ARHGAP32: variants seen among roughly 807,000 people sequenced by gnomAD.
The protein encoded by ARHGAP32 is Rho GTPase activating protein 32, also known as rho GTPase-activating protein 32.
In ARHGAP32, 51 loss-of-function variants were observed where a neutral mutation model predicts 186.5. The observed-to-expected ratio is 0.27, with a 90% confidence interval of 0.22 to 0.35. The LOEUF is 0.35. Among genes scored for constraint, ARHGAP32 ranks in the 10% least tolerant of loss-of-function variants. The pLI, the probability that ARHGAP32 is intolerant of heterozygous loss-of-function variation, is 1.00. For synonymous variants in ARHGAP32, 950 were observed against 964.3 expected (o/e 0.99, Z 0.27); for missense variants, 2,186 against 2,623.5 (o/e 0.83, Z 3.64).
intron 5 of ARHGAP32, among the ~76,000 whole-genome samples, chr11:129,115,345 T>C (rs984243095): frequency 1.3e-5 from 2 of 151,960 alleles, no homozygotes; most frequent in Non-Finnish European, 2.9e-5. Context: ...AAGGCGAAAA[T>C]CAATAAAAGG....
intron 11 of ARHGAP32, among the ~76,000 whole-genome samples, chr11:129,024,752 ACCCATGGAGT>A (rs1408214676): frequency 6.6e-6 from 1 of 152,170 alleles, no homozygotes; most frequent in African/African-American, 2.4e-5. Flanking sequence ...ACTCTCCTTC[ACCCATGGAGT>A]CCCAAGGTAC....
intron 1 of ARHGAP32, among the ~76,000 whole-genome samples, chr11:129,269,323 TGAA>T (rs1418017947): frequency 2.6e-5 from 4 of 151,858 alleles, no homozygotes; most frequent in Admixed American, 6.6e-5. Context: ...TAAATGAATA[TGAA>T]GAAGACAAAA....
At chr11:129,205,157 T>A (rs1447538304) in intron 1 of ARHGAP32, among the ~76,000 whole-genome samples, 1 of 152,180 alleles carries the variant, frequency 6.6e-6, no homozygotes, top group Non-Finnish European at 1.5e-5. Context: ...TCTGTCTACT[T>A]CTTCTGATTT....
At chr11:129,048,799 A>T (rs1164232760) in intron 10 of ARHGAP32, among the ~76,000 whole-genome samples, 3 of 152,214 alleles carry the variant, frequency 2.0e-5, no homozygotes, top group Admixed American at 2.0e-4. Context: ...GGTTGCTTTA[A>T]AGTTTTAATT....
At chr11:128,987,067 T>C (rs1945894397) in intron 13 of ARHGAP32, among the ~76,000 whole-genome samples, 1 of 152,184 alleles carries the variant, frequency 6.6e-6, no homozygotes, top group Admixed American at 6.5e-5. Flanking sequence ...GAGCAGAAAT[T>C]CCTCAGATAC....
rs557421138 is a variant in ARHGAP32, at chr11:128,974,593, A to G, written c.2604T>C (p.Pro868=). ...QTPGSTASSE[P]VSPLQEKLSP... Reference sequence around the variant, plus strand: ...TCAGTTTCTCCTGAAGAGGAGAGACAGGTTCAGAGCTTGCTGTGCTTCCTG... The same window carrying G: ...TCAGTTTCTCCTGAAGAGGAGAGACGGGTTCAGAGCTTGCTGTGCTTCCTG... The change falls in exon 21 of 23, where the codon CCT becomes CCC. Residue 868 remains proline, a synonymous_variant. Coordinates refer to ENST00000682385, the MANE Select transcript of ARHGAP32 (RefSeq NM_001378024.1). 1.9e-6 allele frequency: 3 copies of G among 1,614,212 alleles called. No individual in the cohort carries two copies. The East Asian group carries it at 6.7e-5, about 36-fold the overall frequency.
intron 2 of ARHGAP32, among the ~76,000 whole-genome samples, chr11:129,133,391 G>C (rs1412483458): frequency 6.6e-6 from 1 of 152,064 alleles, no homozygotes; most frequent in African/African-American, 2.4e-5. Flanking sequence ...TTTATTGAAA[G>C]ATATATATTT....
intron 1 of ARHGAP32, among the ~76,000 whole-genome samples, chr11:129,259,186 G>A (rs1945291726): frequency 6.6e-6 from 1 of 152,106 alleles, no homozygotes; most frequent in South Asian, 2.1e-4. Flanking sequence ...TCATGTGTAA[G>A]ACAGGATATG....
intron 1 of ARHGAP32, among the ~76,000 whole-genome samples, chr11:129,167,251 C>T (rs1943658773): frequency 6.6e-6 from 1 of 152,096 alleles, no homozygotes; most frequent in Admixed American, 6.5e-5. Context: ...AGAAATCACA[C>T]CCCTCATTCA....
chr11:128,972,384 A>G, intron 22 of ARHGAP32, 69 bp downstream of exon 22: 1 of 1,464,054 alleles, frequency 6.8e-7, no homozygotes, highest in Non-Finnish European at 9.1e-7. Flanking sequence ...ATAACAACAC[A>G]CCCTGCTGAA....
intron 11 of ARHGAP32, among the ~76,000 whole-genome samples, chr11:129,005,146 C>CTG (rs1937695251): frequency 6.6e-6 from 1 of 151,242 alleles, no homozygotes; most frequent in African/African-American, 2.5e-5. Context: ...AAAAAGAAAA[C>CTG]TAACAGACTG....
intron 1 of ARHGAP32, among the ~76,000 whole-genome samples, chr11:129,185,832 G>C (rs921884870): frequency 6.6e-6 from 1 of 151,846 alleles, no homozygotes; most frequent in Non-Finnish European, 1.5e-5. Flanking sequence ...CAGAAAGAGA[G>C]AGAGAAAACC....
At chr11:129,245,652 A>G (rs529865511) in intron 1 of ARHGAP32, among the ~76,000 whole-genome samples, 1 of 123,334 alleles carries the variant, frequency 8.1e-6, no homozygotes, top group African/African-American at 3.0e-5. Context: ...TTATCAACAG[A>G]TTAAAATAAT....
chr11:129,144,347 T>A (rs936431024), intron 2 of ARHGAP32, among the ~76,000 whole-genome samples: 1 of 152,178 alleles, frequency 6.6e-6, no homozygotes, highest in Non-Finnish European at 1.5e-5. Flanking sequence ...CTAAATCGAA[T>A]CTGTGAATGC....
chr11:129,001,406 GTA>G (rs1374657358), intron 11 of ARHGAP32, among the ~76,000 whole-genome samples: 1 of 152,136 alleles, frequency 6.6e-6, no homozygotes, highest in Non-Finnish European at 1.5e-5. Flanking sequence ...CTTGCCATTT[GTA>G]TGCCTTCTTT....
intron 2 of ARHGAP32, among the ~76,000 whole-genome samples, chr11:129,154,697 T>G (rs369687009): frequency 2.6e-5 from 4 of 152,142 alleles, no homozygotes; most frequent in African/African-American, 7.2e-5. Context: ...CACAAAGGCA[T>G]AAGACTGATA....
chr11:128,999,133 G>T (rs1305124284), intron 11 of ARHGAP32, among the ~76,000 whole-genome samples: 1 of 152,172 alleles, frequency 6.6e-6, no homozygotes, highest in Non-Finnish European at 1.5e-5. Flanking sequence ...AAAGCGAATA[G>T]GAGAAATATC....
chr11:129,122,931 T>C lies in ARHGAP32; in HGVS notation c.444+515A>G, dbSNP rs531233659. ...GTTTTTAATAGTTTTTTCACATTAA[T>C]ATATATATAATGTACAAAGGACATT... On this transcript the variant is annotated intron_variant, in intron 5 of 22. Coordinates refer to ENST00000682385, the MANE Select transcript of ARHGAP32 (RefSeq NM_001378024.1). Among the ~76,000 whole-genome samples, 7 of 152,226 alleles carry C rather than the reference T, an allele frequency of 4.6e-5. No individual in the cohort carries two copies. In the South Asian group the frequency reaches 1.4e-3, roughly 32 times the overall value.
intron 1 of ARHGAP32, among the ~76,000 whole-genome samples, chr11:129,227,363 G>T (rs569029014): frequency 6.6e-6 from 1 of 151,630 alleles, no homozygotes; most frequent in East Asian, 1.9e-4. Flanking sequence ...AAAAAATTAC[G>T]TAAGACATAG....
Sources: allele counts gnomAD v4.1 joint callset (sites outside exome capture counted in the v4.1 genomes callset), GRCh38; gene constraint gnomAD v4.1.1; transcripts MANE v1.5; gene names NCBI Gene and HGNC (gene_info 2026-07-23, HGNC 2026-07-21).